The following GSN variants were observed in gnomAD, a reference collection of about 807,000 sequenced individuals.
GSN encodes the protein actin-depolymerizing factor.
A neutral mutation model predicts 85.7 loss-of-function variants in GSN; 56 were observed. The observed-to-expected ratio is 0.65, with a 90% CI of 0.53 to 0.82. GSN has a LOEUF of 0.82. Ranked by LOEUF, GSN falls within the 40% of genes least tolerant of loss-of-function variation. The pLI, the probability that GSN is intolerant of heterozygous loss-of-function variation, is 0.00. For missense variants in GSN, 857 were observed against 979.8 expected, an observed-to-expected ratio of 0.87 and a Z score of 1.67; for synonymous variants, 373 against 399.1, an observed-to-expected ratio of 0.93 and a Z score of 0.78.
intron 4 of GSN, chr9:121,310,352 G>T (rs866837363): frequency 4.8e-5 from 17 of 356,528 alleles, no homozygotes; most frequent in South Asian, 1.3e-4. Flanking sequence ...CAGTTTTTTT[G>T]ATTTAGAAAG....
chr9:121,241,878 C>T (rs2054612039), intron 5 of GSN, among the ~76,000 whole-genome samples: 1 of 152,218 alleles, frequency 6.6e-6, no homozygotes, highest in Non-Finnish European at 1.5e-5. Context: ...TTATGGCCTC[C>T]CCTCTGTCTC....
At chr9:121,321,214 G>A in intron 10 of GSN, 54 bp from the exon 11 acceptor site, 1 of 1,606,304 alleles carries the variant, frequency 6.2e-7, no homozygotes. Flanking sequence ...TGGCTTGCCT[G>A]AGCTGGGGGG....
At chr9:121,311,035 C>T (rs1033520153) in intron 5 of GSN, 190 bp downstream of exon 5, 9 of 615,298 alleles carry the variant, frequency 1.5e-5, no homozygotes, top group Middle Eastern at 4.3e-4. Context: ...GGGTATAGTG[C>T]GTACTTGGAC....
At chr9:121,225,897 C>T (rs913156279) in intron 4 of GSN, among the ~76,000 whole-genome samples, 1 of 152,160 alleles carries the variant, frequency 6.6e-6, no homozygotes, top group Non-Finnish European at 1.5e-5. Flanking sequence ...CTCCAACTCC[C>T]GGGTTCAAGT....
rs530383694 is a variant in GSN, at chr9:121,254,318, C to T, written c.-341+5995C>T. Among the ~76,000 whole-genome samples the T allele has an allele frequency of 5.9e-5, 9 of 152,260 alleles. No homozygotes were observed. The South Asian group carries it at 1.9e-3, about 32-fold the overall frequency. The stretch of plus-strand genomic sequence containing the variant: ...TGCGTAATAGCAAGACTTGGCTTCC[C>T]GTGAAACAAGATCACCTGCTCTAAA... On this transcript the variant is annotated intron_variant, in intron 6 of 24. Coordinates refer to the GSN transcript ENST00000373823.
At chr9:121,214,159 CT>C (rs1165225815) in intron 4 of GSN, among the ~76,000 whole-genome samples, 1 of 152,156 alleles carries the variant, frequency 6.6e-6, no homozygotes, top group Admixed American at 6.5e-5. Context: ...AATGCTAGTT[CT>C]TTTTTTCTCC....
At chr9:121,314,114 T>C (rs1173907120) in intron 7 of GSN, 91 bp downstream of exon 7, 8 of 1,002,560 alleles carry the variant, frequency 8.0e-6, no homozygotes, top group Non-Finnish European at 1.3e-5. Context: ...TATGGGACCT[T>C]GAGCAAAGCA....
At chr9:121,293,313 C>T (rs1564447463) in intron 2 of GSN, among the ~76,000 whole-genome samples, 2 of 152,060 alleles carry the variant, frequency 1.3e-5, no homozygotes, top group Non-Finnish European at 2.9e-5. Flanking sequence ...GGACATGGGC[C>T]GATTTTCCTG....
At chr9:121,324,107 G>T (rs1350844751) in intron 11 of GSN, among the ~76,000 whole-genome samples, 3 of 152,188 alleles carry the variant, frequency 2.0e-5, no homozygotes, top group Admixed American at 1.3e-4. Flanking sequence ...GAACATCTGT[G>T]CAGACCTCTC....
chr9:121,299,696 T>G lies in GSN; in HGVS notation c.-9-2267T>G. 1.1e-6 allele frequency: 1 copy of G among 875,910 alleles called. No homozygotes were observed. The allele number at this position is 875,910 out of a possible 1,614,324, so 54.3% of individuals were successfully genotyped here. ...GCAGGGGCTGCCGCGCCCTGTCGGGTCGATCCGGGTGGGAACCCAGATGTC... is the reference window on the plus strand; with the variant it reads ...GCAGGGGCTGCCGCGCCCTGTCGGGGCGATCCGGGTGGGAACCCAGATGTC... On this transcript the variant is annotated intron_variant, in intron 2 of 17. Transcript: ENST00000432226. This position sits in a 1 kb window ranked among gnomAD's most constrained non-coding sequence, Gnocchi z 4.2.
chr9:121,246,004 A>G (rs955077907), intron 5 of GSN, among the ~76,000 whole-genome samples: 3 of 152,232 alleles, frequency 2.0e-5, no homozygotes, highest in Non-Finnish European at 2.9e-5. Context: ...AATATGTTAA[A>G]CTGTGATAAT....
chr9:121,273,285 A>C (rs2056237410), intron 1 of GSN, among the ~76,000 whole-genome samples: 1 of 152,192 alleles, frequency 6.6e-6, no homozygotes, highest in Non-Finnish European at 1.5e-5. Context: ...TGCCAAGCAA[A>C]GTATATATAT....
chr9:121,240,057 C>A, intron 5 of GSN: 1 of 154,306 alleles, frequency 6.5e-6, no homozygotes, highest in South Asian at 1.9e-4. Flanking sequence ...TTCATAACCC[C>A]ACACATCGCC....
At chr9:121,226,880 A>T (rs557364991) in intron 4 of GSN, among the ~76,000 whole-genome samples, 11 of 152,342 alleles carry the variant, frequency 7.2e-5, no homozygotes, top group African/African-American at 2.6e-4. Context: ...GCTGAAATGC[A>T]GTTAATAATC....
rs1158855311 is a variant in GSN at position 121,332,494 on chromosome 9, T to C, written c.2087T>C (p.Val696Ala). The C allele has an allele frequency of 2.5e-6, 4 of 1,614,066 alleles. No homozygotes were observed. Among genetic ancestry groups the C allele is most frequent in the Non-Finnish European group, 3.4e-6 (4 of 1,179,944 alleles). ...GATCGGCGGACGCCCATCACCGTGG[T>C]GAAGCAAGGCTTTGAGCCTCCCTCC... ...NRDRRTPITV[V>A]KQGFEPPSFV... Residue 696 changes from valine (V) to alanine (A), a missense_variant, in exon 18 of 18, where the codon GTG becomes GCG. Val to Ala is a moderately conservative substitution (Grantham distance 64). Coordinates refer to ENST00000432226, the MANE Select transcript of GSN (RefSeq NM_198252.3). This position sits in a 1 kb window ranked among gnomAD's most constrained non-coding sequence, Gnocchi z 4.8.
chr9:121,212,575 G>A (rs1170163215), intron 4 of GSN, among the ~76,000 whole-genome samples: 1 of 151,882 alleles, frequency 6.6e-6, no homozygotes, highest in Admixed American at 6.6e-5. Flanking sequence ...TGGTATCTGC[G>A]ACAAATTAAG....
upstream of GSN, among the ~76,000 whole-genome samples, chr9:121,267,461 A>C (rs1163013817): frequency 6.6e-6 from 1 of 152,120 alleles, no homozygotes; most frequent in Non-Finnish European, 1.5e-5. Flanking sequence ...AGTCTTCTCA[A>C]CCGCCCCATG....
chr9:121,247,400 A>T lies in GSN; in HGVS notation c.-388-876A>T, dbSNP rs143956539. Among the ~76,000 whole-genome samples, 237 of 152,344 alleles carry T rather than the reference A, an allele frequency of 1.6e-3. 1 individual carries two copies. Among genetic ancestry groups the T allele is most frequent in the African/African-American group, 5.2e-3 (216 of 41,592 alleles). On this transcript the variant is annotated intron_variant, in intron 5 of 24. Transcript: ENST00000373823. Reference sequence around the variant, plus strand: ...ATCAGGCTTAAAAATACAACGCAACAACTGTAGCCTTCCAACTGTGCAGCC... The same window carrying T: ...ATCAGGCTTAAAAATACAACGCAACTACTGTAGCCTTCCAACTGTGCAGCC...
At chr9:121,278,535 C>T (rs1022046689) in intron 1 of GSN, among the ~76,000 whole-genome samples, 5 of 152,190 alleles carry the variant, frequency 3.3e-5, no homozygotes, top group African/African-American at 7.2e-5. Flanking sequence ...AGACTTTCAT[C>T]GGGCGAGCTC....
Sources: allele counts gnomAD v4.1 joint callset (sites outside exome capture counted in the v4.1 genomes callset), GRCh38; gene constraint gnomAD v4.1.1; non-coding constraint Gnocchi (gnomAD v3.1); transcripts MANE v1.5; gene names NCBI Gene and HGNC (gene_info 2026-07-23, HGNC 2026-07-21).